PPFIA2: variants seen among roughly 807,000 people sequenced by gnomAD.
PPFIA2 encodes the protein PPFI scaffold protein A2.
In PPFIA2, 46 loss-of-function variants were observed where a neutral mutation model predicts 175.5. The ratio of observed to expected loss-of-function variants is 0.26; its 90% CI spans 0.21 to 0.34. PPFIA2 has a LOEUF of 0.34. Ranked by LOEUF, PPFIA2 falls within the 10% of genes least tolerant of loss-of-function variation. The probability of loss-of-function intolerance (pLI) is 1.00; values close to 1 mark genes in which losing one functional copy is unlikely to be tolerated. For missense variants in PPFIA2, 1,179 were observed against 1,506.1 expected (o/e 0.78, Z 3.60); for synonymous variants, 568 against 511.4 (o/e 1.11, Z -1.49).
At chr12:81,547,676 T>C (rs1379399464) in intron 4 of PPFIA2, among the ~76,000 whole-genome samples, 2 of 152,178 alleles carry the variant, frequency 1.3e-5, no homozygotes, top group African/African-American at 4.8e-5. Context: ...AAAACAAAGA[T>C]AACTGGGGAA....
At chr12:81,557,834 G>C (rs1257980629) in intron 4 of PPFIA2, among the ~76,000 whole-genome samples, 2 of 151,948 alleles carry the variant, frequency 1.3e-5, no homozygotes, top group African/African-American at 4.8e-5. Flanking sequence ...AGTATTAATA[G>C]TCTTGAGAGA....
intron 16 of PPFIA2, among the ~76,000 whole-genome samples, chr12:81,355,996 T>A (rs1425239488): frequency 6.6e-6 from 1 of 152,220 alleles, no homozygotes; most frequent in Admixed American, 6.5e-5. Flanking sequence ...CTTGGCTGTT[T>A]GATGCCAGAG....
intron 18 of PPFIA2, among the ~76,000 whole-genome samples, chr12:81,345,027 A>G (rs766620625): frequency 2.6e-5 from 4 of 152,118 alleles, no homozygotes; most frequent in Non-Finnish European, 4.4e-5. Flanking sequence ...CTAGAAATAA[A>G]CGAGACTGCA....
intron 4 of PPFIA2, among the ~76,000 whole-genome samples, chr12:81,636,768 T>G (rs916988546): frequency 1.3e-5 from 2 of 152,204 alleles, no homozygotes; most frequent in African/African-American, 4.8e-5. Context: ...TTCTTGTGCC[T>G]CAGCCTCCTG....
intron 4 of PPFIA2, among the ~76,000 whole-genome samples, chr12:81,500,756 A>T (rs939915003): frequency 6.6e-6 from 1 of 152,204 alleles, no homozygotes; most frequent in Non-Finnish European, 1.5e-5. Context: ...ATGTGTGCTA[A>T]TGACAATCCT....
At chr12:81,284,814 A>G (rs929323268) in intron 24 of PPFIA2, among the ~76,000 whole-genome samples, 19 of 152,204 alleles carry the variant, frequency 1.2e-4, no homozygotes, top group Admixed American at 1.2e-3. Flanking sequence ...ATCGTAACTT[A>G]TCTGGAAACC....
chr12:81,597,967 C>G, intron 4 of PPFIA2: 1 of 1,535,072 alleles, frequency 6.5e-7, no homozygotes, highest in Non-Finnish European at 8.7e-7. Context: ...AAGTGTAAAA[C>G]CGGGTCCCAT....
At chr12:81,374,177 T>A (rs2035840131) in intron 11 of PPFIA2, among the ~76,000 whole-genome samples, 1 of 152,138 alleles carries the variant, frequency 6.6e-6, no homozygotes, top group Admixed American at 6.6e-5. Context: ...TTAATTGTTT[T>A]AGACCTCAGA....
intron 4 of PPFIA2, among the ~76,000 whole-genome samples, chr12:81,670,713 A>G (rs2071239964): frequency 6.6e-6 from 1 of 151,816 alleles, no homozygotes; most frequent in Non-Finnish European, 1.5e-5. Flanking sequence ...ACTCTACTAC[A>G]ATTACTCTCA....
chr12:81,745,051 CCT>C (rs562369405), intron 3 of PPFIA2, among the ~76,000 whole-genome samples: 33 of 152,188 alleles, frequency 2.2e-4, no homozygotes, highest in Admixed American at 2.6e-4. Flanking sequence ...CATTTTATCT[CCT>C]CTGATTCCCT....
intron 4 of PPFIA2, among the ~76,000 whole-genome samples, chr12:81,517,582 A>G (rs1049247448): frequency 2.0e-5 from 3 of 152,168 alleles, no homozygotes; most frequent in Admixed American, 1.3e-4. Context: ...GCTATCTGAG[A>G]AAGGTTAAGA....
chr12:81,669,856 T>C (rs980879229), intron 4 of PPFIA2, among the ~76,000 whole-genome samples: 3 of 151,972 alleles, frequency 2.0e-5, no homozygotes, highest in Admixed American at 6.6e-5. Context: ...GGAATTTTAT[T>C]GTGATGGGAA....
At chr12:81,727,206 A>G (rs181181363) in intron 3 of PPFIA2, among the ~76,000 whole-genome samples, 1 of 151,248 alleles carries the variant, frequency 6.6e-6, no homozygotes, top group Non-Finnish European at 1.5e-5. Context: ...AAATAATGCT[A>G]TTTTTCTCCA....
At chr12:81,368,585 A>T in intron 13 of PPFIA2, 140 bp downstream of exon 13, 1 of 892,780 alleles carries the variant, frequency 1.1e-6, no homozygotes. Context: ...AAAAATATGC[A>T]TTCCTTTCTA....
intron 3 of PPFIA2, among the ~76,000 whole-genome samples, chr12:81,752,160 T>C: frequency 6.6e-6 from 1 of 152,202 alleles, no homozygotes; most frequent in Admixed American, 6.5e-5. Flanking sequence ...GCTGTCCCAG[T>C]ACACATTGAA....
At chr12:81,576,590 A>G (rs1382850190) in intron 4 of PPFIA2, among the ~76,000 whole-genome samples, 1 of 151,726 alleles carries the variant, frequency 6.6e-6, no homozygotes, top group Non-Finnish European at 1.5e-5. Context: ...TAGCAGGTTT[A>G]CTCTTACCAT....
At chr12:81,557,040 A>AT (rs200170330) in intron 4 of PPFIA2, among the ~76,000 whole-genome samples, 4 of 150,592 alleles carry the variant, frequency 2.7e-5, no homozygotes, top group Non-Finnish European at 5.9e-5. Flanking sequence ...GATGACTGGC[A>AT]TTTTTTTTTC....
intron 12 of PPFIA2, 57 bp from the exon 13 acceptor site, chr12:81,368,913 T>C: frequency 6.5e-7 from 1 of 1,546,336 alleles, no homozygotes; most frequent in Non-Finnish European, 8.8e-7. Flanking sequence ...AGATTATTTT[T>C]ATAGTGTTGC....
intron 3 of PPFIA2, among the ~76,000 whole-genome samples, chr12:81,683,245 G>C (rs2073948011): frequency 6.6e-6 from 1 of 151,828 alleles, no homozygotes; most frequent in Admixed American, 6.6e-5. Flanking sequence ...TAAGTCTATT[G>C]TAAAAATACT....
Sources: allele counts gnomAD v4.1 joint callset (sites outside exome capture counted in the v4.1 genomes callset), GRCh38; gene constraint gnomAD v4.1.1; transcripts MANE v1.5; gene names NCBI Gene and HGNC (gene_info 2026-07-23, HGNC 2026-07-21).